The following KCNAB1 variants were observed in gnomAD, a reference collection of about 807,000 sequenced individuals.
KCNAB1 encodes potassium voltage-gated channel subfamily A regulatory beta subunit 1.
KCNAB1 carries 35 observed loss-of-function variants against 64.6 expected under a neutral mutation model. The observed-to-expected ratio is 0.54, with a 90% CI of 0.41 to 0.72. KCNAB1 has a LOEUF of 0.72. Ranked by LOEUF, KCNAB1 falls within the 30% of genes least tolerant of loss-of-function variation. KCNAB1 has a pLI of 0.00. For missense variants in KCNAB1, 401 were observed against 512.9 expected, an observed-to-expected ratio of 0.78 and a Z score of 2.11; for synonymous variants, 177 against 183.8, an observed-to-expected ratio of 0.96 and a Z score of 0.30.
intron 1 of KCNAB1, among the ~76,000 whole-genome samples, chr3:156,335,279 C>T (rs1014589978): frequency 4.6e-5 from 7 of 152,228 alleles, no homozygotes; most frequent in African/African-American, 1.7e-4. Context: ...CCAGCTTCCT[C>T]CTCCTGTGTG....
chr3:156,432,613 A>G (rs950764806), intron 2 of KCNAB1, among the ~76,000 whole-genome samples: 46 of 152,200 alleles, frequency 3.0e-4, no homozygotes, highest in Admixed American at 2.7e-3. Context: ...AACCATGAGG[A>G]TTTCTTTAGC....
intron 1 of KCNAB1, among the ~76,000 whole-genome samples, chr3:156,315,947 G>A (rs1208976092): frequency 6.6e-6 from 1 of 152,098 alleles, no homozygotes. Flanking sequence ...AAGAATAATG[G>A]TATTCTAATC....
chr3:156,278,866 T>G (rs376678867), intron 1 of KCNAB1, among the ~76,000 whole-genome samples: 1 of 152,164 alleles, frequency 6.6e-6, no homozygotes, highest in Non-Finnish European at 1.5e-5. Flanking sequence ...TGGAAAGACA[T>G]GGACATTAAT....
Position 156,500,774 on chromosome 3 carries a change from A to G in KCNAB1, c.659-13590A>G, listed in dbSNP as rs1189493640. Among the ~76,000 whole-genome samples, 3 of 152,202 alleles carry G rather than the reference A, an allele frequency of 2.0e-5. No individual in the cohort carries two copies. The East Asian group carries it at 5.8e-4, about 29-fold the overall frequency. ...CGTTTTGTAGATCATTCATTCTGGT[A>G]CATTCACTGGAAAAATCAGGTTATT... is the stretch of plus-strand genomic sequence containing the variant. On this transcript the variant is annotated intron_variant, in intron 8 of 13. Transcript: ENST00000490337.
intron 1 of KCNAB1, among the ~76,000 whole-genome samples, chr3:156,136,750 AC>A: frequency 6.6e-6 from 1 of 152,322 alleles, no homozygotes; most frequent in Middle Eastern, 3.4e-3. Context: ...GGCCCCATGG[AC>A]CATTTCCCTT....
intron 7 of KCNAB1, among the ~76,000 whole-genome samples, chr3:156,472,010 G>T (rs571149838): frequency 1.3e-5 from 2 of 152,254 alleles, no homozygotes; most frequent in East Asian, 1.9e-4. Context: ...CAAACCCTGT[G>T]CCTCGCCTCC....
At chr3:156,463,847 A>T in intron 6 of KCNAB1, 101 bp downstream of exon 6, 2 of 855,868 alleles carry the variant, frequency 2.3e-6, no homozygotes, top group South Asian at 3.5e-5. Flanking sequence ...TAATTGGCTT[A>T]GAGAGAGGGT....
chr3:156,277,814 C>A (rs1452657974), intron 1 of KCNAB1, among the ~76,000 whole-genome samples: 1 of 152,108 alleles, frequency 6.6e-6, no homozygotes, highest in African/African-American at 2.4e-5. Flanking sequence ...TGCTGAAGAA[C>A]CTCCATATCA....
At chr3:156,206,383 C>T (rs1714663562) in intron 1 of KCNAB1, among the ~76,000 whole-genome samples, 1 of 152,220 alleles carries the variant, frequency 6.6e-6, no homozygotes, top group Non-Finnish European at 1.5e-5. Context: ...ACAGACATCA[C>T]TTCTCTTCTG....
At chr3:156,287,752 G>A (rs1720178256) in intron 1 of KCNAB1, among the ~76,000 whole-genome samples, 1 of 151,728 alleles carries the variant, frequency 6.6e-6, no homozygotes, top group Non-Finnish European at 1.5e-5. Flanking sequence ...AGGAGGCAGA[G>A]GTTGCAGTGA....
chr3:156,323,112 C>G (rs1425805180), intron 1 of KCNAB1, among the ~76,000 whole-genome samples: 1 of 152,110 alleles, frequency 6.6e-6, no homozygotes, highest in Non-Finnish European at 1.5e-5. Flanking sequence ...TGTGGATTTA[C>G]CTTCTATTAT....
In KCNAB1 at chr3:156,249,497, A is replaced by G. The variant is rs577563187; in HGVS notation, c.275+128611A>G. 5.9e-4 allele frequency among the ~76,000 whole-genome samples: 89 copies of G among 151,984 alleles called. No homozygotes were observed. The South Asian group carries it at 6.7e-3, about 11-fold the overall frequency. ...TGAGGTAGGAGAATCACTTGAACCC[A>G]GAAGGCAGAGGTTGCAGTTGTGCCA... On this transcript the variant is annotated intron_variant, in intron 1 of 13. Transcript: ENST00000490337.
intron 1 of KCNAB1, among the ~76,000 whole-genome samples, chr3:156,395,272 G>A (rs76843574): frequency 6.6e-6 from 1 of 152,116 alleles, no homozygotes; most frequent in Non-Finnish European, 1.5e-5. Flanking sequence ...AGGGCCGGGC[G>A]CGGTGGCTCA....
intron 1 of KCNAB1, among the ~76,000 whole-genome samples, chr3:156,395,780 A>C (rs1295443810): frequency 1.3e-5 from 2 of 152,178 alleles, no homozygotes; most frequent in East Asian, 3.9e-4. Context: ...TTAAATATGT[A>C]TTCTGAAAAT....
At chr3:156,290,199 TAGTC>T (rs377130494) in intron 1 of KCNAB1, among the ~76,000 whole-genome samples, 3 of 152,248 alleles carry the variant, frequency 2.0e-5, no homozygotes, top group African/African-American at 7.2e-5. Context: ...CCAACATTGT[TAGTC>T]AGACCCTTTA....
intron 1 of KCNAB1, among the ~76,000 whole-genome samples, chr3:156,226,524 C>G (rs1370070435): frequency 1.3e-5 from 2 of 152,030 alleles, no homozygotes; most frequent in Non-Finnish European, 2.9e-5. Context: ...ACCAAGAACC[C>G]AAAAGCAAAT....
intron 11 of KCNAB1, among the ~76,000 whole-genome samples, chr3:156,522,125 A>G (rs1717988727): frequency 9.3e-6 from 1 of 107,190 alleles, no homozygotes; most frequent in Non-Finnish European, 2.1e-5. Flanking sequence ...AGATTGATTG[A>G]TAAACCAACC....
At chr3:156,188,508 A>G (rs1354199620) in intron 1 of KCNAB1, among the ~76,000 whole-genome samples, 3 of 152,226 alleles carry the variant, frequency 2.0e-5, no homozygotes, top group Non-Finnish European at 2.9e-5. Flanking sequence ...ATGCATGCTC[A>G]TGTAAATAAA....
intron 1 of KCNAB1, among the ~76,000 whole-genome samples, chr3:156,161,602 T>C (rs1716084281): frequency 6.6e-6 from 1 of 152,068 alleles, no homozygotes. Flanking sequence ...TTCAGTTTCG[T>C]CCATATTTTC....
Sources: gnomAD v4.1 joint callset for allele counts (sites outside exome capture counted in the v4.1 genomes callset) on GRCh38, gnomAD v4.1.1 for gene constraint, MANE v1.5 for transcripts, NCBI Gene and HGNC (gene_info 2026-07-23, HGNC 2026-07-21) for gene names.